FRMPD4: variants seen among roughly 807,000 people sequenced by gnomAD.
FRMPD4 encodes the protein FERM and PDZ domain containing 4, also known as FERM and PDZ domain-containing protein 4.
A neutral mutation model predicts 94.1 loss-of-function variants in FRMPD4; 22 were observed. That is an observed-to-expected ratio of 0.23 (90% CI 0.17 to 0.33). The LOEUF (loss-of-function observed/expected upper bound fraction) is 0.33. FRMPD4 is among the 10% of genes least tolerant of loss of function. FRMPD4 has a pLI of 1.00. For synonymous variants in FRMPD4, 631 were observed against 548.6 expected (o/e 1.15, Z -2.10); for missense variants, 1,111 against 1,339.9 (o/e 0.83, Z 2.67).
upstream of FRMPD4, among the ~76,000 whole-genome samples, chrX:12,134,037 A>C (rs1038280753): frequency 2.7e-5 from 3 of 111,677 alleles, no homozygotes; most frequent in African/African-American, 9.8e-5. Context: ...TCAAACATAC[A>C]ATCATCGTTC....
intron 3 of FRMPD4, among the ~76,000 whole-genome samples, chrX:11,946,066 A>T (rs1315329632): frequency 8.9e-6 from 1 of 112,017 alleles, no homozygotes; most frequent in Non-Finnish European, 1.9e-5. Context: ...GGTACAGCAC[A>T]TGTCCACAAT....
chrX:12,295,536 C>T (rs1010880196), intron 1 of FRMPD4, among the ~76,000 whole-genome samples: 1 of 111,695 alleles, frequency 9.0e-6, no homozygotes, highest in African/African-American at 3.3e-5. Flanking sequence ...GTTTAAATAT[C>T]GTGTATTTAT....
At chrX:12,291,095 T>TA (rs2054681007) in intron 1 of FRMPD4, among the ~76,000 whole-genome samples, 1 of 110,200 alleles carries the variant, frequency 9.1e-6, no homozygotes, top group Non-Finnish European at 1.9e-5. Flanking sequence ...CCTGGTTGGG[T>TA]AAAAAAATAA....
At chrX:12,048,862 A>G (rs1351183382) in intron 3 of FRMPD4, among the ~76,000 whole-genome samples, 2 of 111,650 alleles carry the variant, frequency 1.8e-5, no homozygotes, top group Non-Finnish European at 3.8e-5. Context: ...TTTTTGTACC[A>G]GTACCATGCT....
chrX:12,133,639 CCT>C (rs1347092392), upstream of FRMPD4, among the ~76,000 whole-genome samples: 1 of 111,231 alleles, frequency 9.0e-6, no homozygotes, highest in Admixed American at 9.5e-5. Flanking sequence ...TTCCCTTATT[CCT>C]CTCTTTCCCC....
intron 3 of FRMPD4, among the ~76,000 whole-genome samples, chrX:12,033,653 T>C (rs2054704056): frequency 9.0e-6 from 1 of 111,712 alleles, no homozygotes; most frequent in East Asian, 2.8e-4. Flanking sequence ...GTACTGGGTG[T>C]CATACACAGA....
intron 3 of FRMPD4, among the ~76,000 whole-genome samples, chrX:12,033,692 C>CTTATT (rs1245871146): frequency 1.4e-4 from 16 of 111,051 alleles, no homozygotes; most frequent in African/African-American, 3.6e-4. Context: ...TTTGTTTTAT[C>CTTATT]TTATTTTATT....
chrX:11,840,048 T>C (rs1271788577), intron 1 of FRMPD4, among the ~76,000 whole-genome samples: 1 of 111,775 alleles, frequency 8.9e-6, no homozygotes, highest in Middle Eastern at 4.2e-3. Context: ...TTTTCAAAAA[T>C]ATTTTAACGC....
intron 1 of FRMPD4, among the ~76,000 whole-genome samples, chrX:12,391,710 G>C: frequency 9.0e-6 from 1 of 111,229 alleles, no homozygotes; most frequent in Middle Eastern, 4.6e-3. Context: ...AAAATATCTG[G>C]AGCTACCTAG....
intron 2 of FRMPD4, among the ~76,000 whole-genome samples, chrX:12,580,114 A>G (rs2058849747): frequency 8.9e-6 from 1 of 112,359 alleles, no homozygotes. Context: ...TAGATTCAAG[A>G]GGGGAGTTGA....
chrX:12,527,438 A>G (rs985966988), intron 2 of FRMPD4, among the ~76,000 whole-genome samples: 1 of 108,596 alleles, frequency 9.2e-6, no homozygotes, highest in African/African-American at 3.3e-5. Context: ...TGGGTTTAAG[A>G]CTTGCAATAT....
At chrX:12,349,179 G>C (rs759713386) in intron 1 of FRMPD4, among the ~76,000 whole-genome samples, 12 of 111,635 alleles carry the variant, frequency 1.1e-4, no homozygotes, top group Non-Finnish European at 1.5e-4. Context: ...CTGGTAGAGG[G>C]GCTGTGTGGA....
intron 4 of FRMPD4, among the ~76,000 whole-genome samples, chrX:12,664,847 T>A (rs1248329790): frequency 1.8e-5 from 2 of 112,006 alleles, no homozygotes; most frequent in African/African-American, 6.5e-5. Context: ...CTTTTTTTGG[T>A]TTGTAGGCTA....
At chrX:12,491,309 T>G (rs2057791010) in intron 1 of FRMPD4, among the ~76,000 whole-genome samples, 1 of 112,570 alleles carries the variant, frequency 8.9e-6, no homozygotes, top group Non-Finnish European at 1.9e-5. Flanking sequence ...ACCACCTTAA[T>G]CTGACAACCC....
intron 1 of FRMPD4, among the ~76,000 whole-genome samples, chrX:12,385,701 A>C (rs1284736828): frequency 8.9e-6 from 1 of 112,556 alleles, no homozygotes; most frequent in Non-Finnish European, 1.9e-5. Context: ...GTGAATTTTA[A>C]GGAAAGTATA....
At chrX:12,068,587 T>C (rs1435815329) in intron 3 of FRMPD4, among the ~76,000 whole-genome samples, 1 of 111,939 alleles carries the variant, frequency 8.9e-6, no homozygotes, top group Non-Finnish European at 1.9e-5. Flanking sequence ...AGTCTATGTA[T>C]GCAGTATGAC....
chrX:12,199,103 G>A (rs913564650), intron 1 of FRMPD4, among the ~76,000 whole-genome samples: 5 of 111,257 alleles, frequency 4.5e-5, no homozygotes, highest in African/African-American at 1.3e-4. Flanking sequence ...GATTTTTCCC[G>A]TCAAATATCT....
intron 1 of FRMPD4, among the ~76,000 whole-genome samples, chrX:12,375,568 C>T (rs2056224970): frequency 8.9e-6 from 1 of 112,626 alleles, no homozygotes; most frequent in African/African-American, 3.2e-5. Context: ...TACTTTTCTG[C>T]CTTTAAGGGC....
chrX:12,122,842 A>C (rs1026827930), intron 3 of FRMPD4, among the ~76,000 whole-genome samples: 2 of 112,035 alleles, frequency 1.8e-5, no homozygotes, highest in Non-Finnish European at 3.8e-5. Flanking sequence ...ATAACATTTT[A>C]ATAAAAATTA....
Sources: allele counts gnomAD v4.1 joint callset (sites outside exome capture counted in the v4.1 genomes callset), GRCh38; gene constraint gnomAD v4.1.1; transcripts MANE v1.5; gene names NCBI Gene and HGNC (gene_info 2026-07-23, HGNC 2026-07-21).